The following PCDH7 variants were observed in gnomAD, a reference collection of about 807,000 sequenced individuals.
The protein encoded by PCDH7 is protocadherin-7.
Under a neutral mutation model 58.9 loss-of-function variants are expected in PCDH7, and 17 were observed. The observed-to-expected ratio is 0.29, with a 90% CI of 0.20 to 0.43. The LOEUF is 0.43. Ranked by LOEUF, PCDH7 falls within the 20% of genes least tolerant of loss-of-function variation. PCDH7 has a pLI of 1.00. For missense variants in PCDH7, 1,274 were observed against 1,441.0 expected (o/e 0.88, Z 1.88); for synonymous variants, 664 against 616.4 (o/e 1.08, Z -1.14).
At chr4:30,850,471 T>C (rs957034726) in intron 1 of PCDH7, among the ~76,000 whole-genome samples, 3 of 152,090 alleles carry the variant, frequency 2.0e-5, no homozygotes, top group African/African-American at 7.2e-5. Context: ...AAAACTGACC[T>C]CCAGAGAACC....
At chr4:30,941,425 C>CA (rs1746026145) in intron 2 of PCDH7, among the ~76,000 whole-genome samples, 1 of 151,842 alleles carries the variant, frequency 6.6e-6, no homozygotes. Flanking sequence ...AAGACTGAAG[C>CA]GTTTTTGACA....
At chr4:31,132,489 TAAAC>T (rs140578548) in intron 3 of PCDH7, among the ~76,000 whole-genome samples, 24 of 152,214 alleles carry the variant, frequency 1.6e-4, no homozygotes, top group Non-Finnish European at 3.1e-4. Flanking sequence ...TCATCAATAA[TAAAC>T]ATTTAGTTAA....
chr4:30,937,194 T>C (rs1212297283), intron 2 of PCDH7, among the ~76,000 whole-genome samples: 1 of 152,102 alleles, frequency 6.6e-6, no homozygotes, highest in East Asian at 1.9e-4. Context: ...TTAATACTTC[T>C]AATATTCTCA....
chr4:30,865,860 A>G (rs1034653634), intron 1 of PCDH7, among the ~76,000 whole-genome samples: 1 of 151,984 alleles, frequency 6.6e-6, no homozygotes, highest in Non-Finnish European at 1.5e-5. Context: ...CCCTTGAATC[A>G]CATTTGGCAC....
At chr4:30,792,347 A>T (rs1006492603) in intron 1 of PCDH7, among the ~76,000 whole-genome samples, 2 of 152,174 alleles carry the variant, frequency 1.3e-5, no homozygotes, top group Non-Finnish European at 2.9e-5. Flanking sequence ...AAAATATAAG[A>T]AAGTTATATT....
intron 1 of PCDH7, among the ~76,000 whole-genome samples, chr4:30,815,666 A>T (rs1727582238): frequency 6.6e-6 from 1 of 152,210 alleles, no homozygotes; most frequent in South Asian, 2.1e-4. Context: ...CTAAAGGAAG[A>T]TCATACACCA....
At chr4:30,866,787 TACAGAGAA>T (rs1734936574) in intron 1 of PCDH7, among the ~76,000 whole-genome samples, 1 of 152,124 alleles carries the variant, frequency 6.6e-6, no homozygotes, top group Non-Finnish European at 1.5e-5. Context: ...GACAATCGTT[TACAGAGAA>T]ACAGGACTTG....
chr4:30,918,745 A>G (rs1381798740), intron 1 of PCDH7, among the ~76,000 whole-genome samples: 1 of 152,154 alleles, frequency 6.6e-6, no homozygotes, highest in African/African-American at 2.4e-5. Flanking sequence ...AAGATTGTAC[A>G]CTTCAAATAA....
intron 1 of PCDH7, among the ~76,000 whole-genome samples, chr4:30,895,467 A>G (rs1739283587): frequency 6.6e-6 from 1 of 152,162 alleles, no homozygotes; most frequent in Non-Finnish European, 1.5e-5. Context: ...AGGGTAGGAC[A>G]AAACGGGATT....
At chr4:30,749,571 T>A (rs1718236375) in intron 1 of PCDH7, among the ~76,000 whole-genome samples, 1 of 152,158 alleles carries the variant, frequency 6.6e-6, no homozygotes, top group South Asian at 2.1e-4. Flanking sequence ...ATACATAATC[T>A]TTGAAAAGGA....
chr4:30,852,757 G>C (rs1490458460), intron 1 of PCDH7, among the ~76,000 whole-genome samples: 1 of 147,258 alleles, frequency 6.8e-6, no homozygotes, highest in East Asian at 2.0e-4. Flanking sequence ...TGGGGGTTAA[G>C]GTTAAGCAAT....
chr4:30,786,976 A>C (rs1042300722), intron 1 of PCDH7, among the ~76,000 whole-genome samples: 8 of 152,122 alleles, frequency 5.3e-5, no homozygotes, highest in Non-Finnish European at 1.5e-5. Context: ...AAAGGAATCA[A>C]ACTGTGCTTT....
chr4:31,008,575 C>T (rs1291602187), intron 3 of PCDH7, among the ~76,000 whole-genome samples: 1 of 151,782 alleles, frequency 6.6e-6, no homozygotes, highest in Non-Finnish European at 1.5e-5. Flanking sequence ...CTTTCTCTTC[C>T]TGTATTTCTC....
intron 3 of PCDH7, among the ~76,000 whole-genome samples, chr4:30,974,807 A>G (rs1001049982): frequency 6.6e-6 from 1 of 151,108 alleles, no homozygotes; most frequent in Non-Finnish European, 1.5e-5. Context: ...CTTAAAGGAC[A>G]TAGGGTGGGC....
intron 3 of PCDH7, among the ~76,000 whole-genome samples, chr4:31,074,289 A>G (rs1758790014): frequency 6.6e-6 from 1 of 151,514 alleles, no homozygotes. Flanking sequence ...CAATTTGTTC[A>G]TTTAGCACAT....
At chr4:30,874,320 A>T (rs1245355837) in intron 1 of PCDH7, among the ~76,000 whole-genome samples, 2 of 152,164 alleles carry the variant, frequency 1.3e-5, no homozygotes, top group African/African-American at 4.8e-5. Context: ...GATAGACTGG[A>T]TTAAGAAAAT....
At chr4:30,746,164 CA>C (rs1222172961) in intron 1 of PCDH7, among the ~76,000 whole-genome samples, 5 of 152,164 alleles carry the variant, frequency 3.3e-5, no homozygotes, top group African/African-American at 9.7e-5. Flanking sequence ...TGAAGCAATT[CA>C]AGGTTTGAAA....
intron 2 of PCDH7, among the ~76,000 whole-genome samples, chr4:30,941,770 A>G (rs1746061165): frequency 6.6e-6 from 1 of 151,942 alleles, no homozygotes; most frequent in Non-Finnish European, 1.5e-5. Context: ...TTACTATCTA[A>G]TACTAAGTTT....
chr4:31,097,609 T>TATATATATATAG (rs1714244614), intron 3 of PCDH7, among the ~76,000 whole-genome samples: 1 of 32,008 alleles, frequency 3.1e-5, no homozygotes, highest in East Asian at 5.3e-3. Flanking sequence ...TATATATATA[T>TATATATATATAG]ATATATATAT....
Sources: gnomAD v4.1 joint callset for allele counts (sites outside exome capture counted in the v4.1 genomes callset) on GRCh38, gnomAD v4.1.1 for gene constraint, MANE v1.5 for transcripts, NCBI Gene and HGNC (gene_info 2026-07-23, HGNC 2026-07-21) for gene names.